RAB3GAP1: variants seen among roughly 807,000 people sequenced by gnomAD.
RAB3GAP1 encodes rab3 GTPase-activating protein catalytic subunit.
Under a neutral mutation model 130.7 loss-of-function variants are expected in RAB3GAP1, and 86 were observed. The observed-to-expected ratio is 0.66, with a 90% CI of 0.55 to 0.79. RAB3GAP1 has a LOEUF of 0.79. Ranked by LOEUF, RAB3GAP1 falls within the 30% of genes least tolerant of loss-of-function variation. The pLI, the probability that RAB3GAP1 is intolerant of heterozygous loss-of-function variation, is 0.00. For missense variants in RAB3GAP1, 1,029 were observed against 1,169.4 expected, an observed-to-expected ratio of 0.88 and a Z score of 1.75; for synonymous variants, 367 against 401.7, an observed-to-expected ratio of 0.91 and a Z score of 1.03.
chr2:135,091,230 G>C, intron 4 of RAB3GAP1, 100 bp downstream of exon 4: 1 of 1,195,564 alleles, frequency 8.4e-7, no homozygotes, highest in South Asian at 1.4e-5. Context: ...CAGTTTCTCT[G>C]GAACTGTTTT....
downstream of RAB3GAP1, among the ~76,000 whole-genome samples, chr2:135,171,148 CTA>C (rs1449079926): frequency 6.6e-6 from 1 of 151,852 alleles, no homozygotes; most frequent in Non-Finnish European, 1.5e-5. Flanking sequence ...GGGAAAATGT[CTA>C]TTTGGGGGGC....
rs2104948584 is a variant in RAB3GAP1 at position 135,133,948 on chromosome 2, GGAGGGTT to G, written c.1417_1423del (p.Gly473LysfsTer23). 2 of 1,613,906 alleles carry G rather than the reference GGAGGGTT, an allele frequency of 1.2e-6. No homozygotes were observed. The highest frequency in any genetic ancestry group is 2.2e-5 in the South Asian group (2 of 91,084). On this transcript the variant is annotated frameshift_variant, in exon 15 of 24. Transcript: ENST00000264158. LOFTEE classifies it high-confidence loss of function. Reference sequence around the variant, plus strand: ...TCTCTGTATGATCAATTTTTACCATGGAGGGTTGAAAGGAGTGGCACACCTCTGGCAG... The same window carrying G: ...TCTCTGTATGATCAATTTTTACCATGGAAAGGAGTGGCACACCTCTGGCAG...
chr2:135,111,512 T>C (rs1690800386), intron 5 of RAB3GAP1, among the ~76,000 whole-genome samples: 1 of 152,184 alleles, frequency 6.6e-6, no homozygotes, highest in Non-Finnish European at 1.5e-5. Context: ...TAATGTGTTA[T>C]TGAGTAAAAG....
At chr2:135,127,329 TTTTGTTTGTTTG>T (rs75988598) in intron 11 of RAB3GAP1, among the ~76,000 whole-genome samples, 3 of 150,956 alleles carry the variant, frequency 2.0e-5, no homozygotes, top group East Asian at 2.0e-4. Context: ...AAGAGCACTG[TTTTGTTTGTTTG>T]TTTGTTTGTT....
chr2:135,143,748 G>A (rs1188182909), intron 17 of RAB3GAP1, among the ~76,000 whole-genome samples: 2 of 151,838 alleles, frequency 1.3e-5, no homozygotes, highest in Non-Finnish European at 2.9e-5. Flanking sequence ...TAGTAGAGAC[G>A]GGGTTTCACC....
chr2:135,068,677 G>A (rs996702210), intron 3 of RAB3GAP1, among the ~76,000 whole-genome samples: 61 of 152,164 alleles, frequency 4.0e-4, no homozygotes, highest in African/African-American at 1.3e-3. Flanking sequence ...CATTTGAACC[G>A]GGGAGGCAGA....
chr2:135,157,484 C>T (rs545044062), intron 19 of RAB3GAP1, among the ~76,000 whole-genome samples: 6 of 152,150 alleles, frequency 3.9e-5, no homozygotes, highest in Non-Finnish European at 7.3e-5. Flanking sequence ...GATTTATCGA[C>T]ACATCAAATG....
At chr2:135,068,710 G>A (rs1199387511) in intron 3 of RAB3GAP1, among the ~76,000 whole-genome samples, 2 of 152,116 alleles carry the variant, frequency 1.3e-5, no homozygotes, top group East Asian at 1.9e-4. Context: ...CTGAGATCAC[G>A]CCACTGTACT....
chr2:135,142,694 G>GT lies in RAB3GAP1; in HGVS notation c.1923+6772dup, dbSNP rs528017150. 4.2e-3 allele frequency among the ~76,000 whole-genome samples: 613 copies of GT among 145,468 alleles called. 4 individuals are homozygous for GT. The highest frequency in any genetic ancestry group is 5.8e-3 in the Non-Finnish European group (378 of 65,642). ...TAGTTTGCTTAGAGTTTTGTTTTTTGTTTTTTTTTTAATCATGAACAGGTA... is the reference window on the plus strand; with the variant it reads ...TAGTTTGCTTAGAGTTTTGTTTTTTGTTTTTTTTTTTAATCATGAACAGGTA... On this transcript the variant is annotated intron_variant, in intron 17 of 23. Coordinates refer to ENST00000264158, the MANE Select transcript of RAB3GAP1 (RefSeq NM_012233.3).
chr2:135,099,273 CT>C (rs1310835920), intron 5 of RAB3GAP1, among the ~76,000 whole-genome samples: 1 of 151,900 alleles, frequency 6.6e-6, no homozygotes, highest in Non-Finnish European at 1.5e-5. Flanking sequence ...AATCCTTTTT[CT>C]GTTTAAATTG....
downstream of RAB3GAP1, among the ~76,000 whole-genome samples, chr2:135,172,043 T>G (rs976434126): frequency 2.6e-5 from 4 of 152,086 alleles, no homozygotes; most frequent in African/African-American, 9.7e-5. Flanking sequence ...GGGCCAGATG[T>G]GTAAAGCTGT....
chr2:135,153,106 A>G (rs568132431), intron 18 of RAB3GAP1: 1 of 156,666 alleles, frequency 6.4e-6, no homozygotes, highest in Admixed American at 6.3e-5. Flanking sequence ...AACAGTTTTG[A>G]GGTTAGCTGA....
In RAB3GAP1 at chr2:135,132,931, G is replaced by C; in HGVS notation, c.1273G>C (p.Asp425His). The C allele has an allele frequency of 6.3e-7, 1 of 1,584,676 alleles. No individual in the cohort carries two copies. Among genetic ancestry groups the C allele is most frequent in the Non-Finnish European group, 8.7e-7 (1 of 1,153,666 alleles). ...TGATGCTGTTTCTGAGAAACCATTAGATGGAACTACTTCAACAGATAATAA... is the reference window on the plus strand; with the variant it reads ...TGATGCTGTTTCTGAGAAACCATTACATGGAACTACTTCAACAGATAATAA... ...FPDAVSEKPL[D>H]GTTSTDNNNP... Residue 425 changes from aspartate (D) to histidine (H), a missense_variant, in exon 14 of 24, where the codon GAT (aspartate) becomes CAT (histidine). By Grantham distance (81) the Asp-to-His change is moderately conservative. Transcript: ENST00000264158.
intron 16 of RAB3GAP1, 121 bp from the exon 17 acceptor site, chr2:135,135,443 A>G: frequency 1.4e-6 from 2 of 1,432,410 alleles, no homozygotes; most frequent in Non-Finnish European, 1.9e-6. Context: ...TATAGTCAGT[A>G]GTCACTGCAA....
At chr2:135,162,881 C>A in intron 21 of RAB3GAP1, 30 bp downstream of exon 21, 1 of 1,589,310 alleles carries the variant, frequency 6.3e-7, no homozygotes, top group Non-Finnish European at 8.6e-7. Context: ...AGAATCTTGC[C>A]AAGTGTTCTC....
At chr2:135,122,917 T>A (rs13402463) in intron 8 of RAB3GAP1, among the ~76,000 whole-genome samples, 1 of 151,976 alleles carries the variant, frequency 6.6e-6, no homozygotes, top group East Asian at 1.9e-4. Flanking sequence ...TTAGTAGATA[T>A]GGGGTTTCAC....
At chr2:135,099,142 C>T (rs1690381728) in intron 5 of RAB3GAP1, among the ~76,000 whole-genome samples, 1 of 151,816 alleles carries the variant, frequency 6.6e-6, no homozygotes, top group Non-Finnish European at 1.5e-5. Flanking sequence ...TAGTCTTTTA[C>T]TGTTAAGTGT....
chr2:135,083,514 G>T (rs528148476), intron 3 of RAB3GAP1, among the ~76,000 whole-genome samples: 7 of 152,046 alleles, frequency 4.6e-5, no homozygotes, highest in African/African-American at 1.7e-4. Context: ...AGGCTGAATT[G>T]CAGTGCTACA....
chr2:135,137,148 T>C (rs1691699507), intron 17 of RAB3GAP1: 4 of 370,716 alleles, frequency 1.1e-5, no homozygotes, highest in South Asian at 4.4e-5. Flanking sequence ...GCATGGGATA[T>C]GAAGGAAATC....
Sources: allele counts gnomAD v4.1 joint callset (sites outside exome capture counted in the v4.1 genomes callset), GRCh38; gene constraint gnomAD v4.1.1; transcripts MANE v1.5; gene names NCBI Gene and HGNC (gene_info 2026-07-23, HGNC 2026-07-21).